Variants in JPH2 observed in about 807,000 individuals in gnomAD.
The protein encoded by JPH2 is junctophilin 2.
In JPH2, 38 loss-of-function variants were observed where a neutral mutation model predicts 55.9. The observed-to-expected ratio is 0.68, with a 90% CI of 0.52 to 0.89. JPH2 has a LOEUF of 0.89. JPH2 is among the 40% of genes least tolerant of loss of function. JPH2 has a pLI of 0.00. For missense variants in JPH2, 964 were observed against 1,037.6 expected (o/e 0.93, Z 0.97); for synonymous variants, 480 against 472.4 (o/e 1.02, Z -0.21).
intron 1 of JPH2, among the ~76,000 whole-genome samples, chr20:44,178,326 A>G (rs2072752444): frequency 6.6e-6 from 1 of 152,258 alleles, no homozygotes; most frequent in Non-Finnish European, 1.5e-5. Context: ...TTGAAAAAAT[A>G]AAATGTTAAA....
At position 44,186,825 on chromosome 20, in the gene JPH2, C is replaced by T. The variant is rs918089076; in HGVS notation, c.-120G>A. On this transcript the variant is annotated 5_prime_UTR_variant, in exon 1 of 6. Transcript: ENST00000372980. The stretch of plus-strand genomic sequence containing the variant: ...GGCCCCCAGACTCACCACTGCACCC[C>T]AGGAGGGGGGAAGCAGGATGCCAGC... 1.0e-6 allele frequency: 1 copy of T among 996,868 alleles called. No individual in the cohort carries two copies. The highest frequency in any genetic ancestry group is 1.6e-5 in the African/African-American group (1 of 62,024). 61.8% of individuals were successfully genotyped at this position (996,868 alleles called of 1,614,324 possible).
chr20:44,157,987 C>T (rs143122590), intron 2 of JPH2, among the ~76,000 whole-genome samples: 65 of 152,290 alleles, frequency 4.3e-4, no homozygotes, highest in Admixed American at 2.2e-3. Flanking sequence ...CTGTACCCCA[C>T]CCCAAATTTG....
chr20:44,129,952 C>T (rs937909817), intron 2 of JPH2, among the ~76,000 whole-genome samples: 25 of 152,064 alleles, frequency 1.6e-4, no homozygotes, highest in African/African-American at 6.0e-4. Flanking sequence ...AAAGATCCTC[C>T]CCTTTGAGCC....
chr20:44,149,963 G>A (rs111705087), intron 2 of JPH2, among the ~76,000 whole-genome samples: 329 of 11,330 alleles, frequency 0.029, 23 homozygotes, highest in Middle Eastern at 0.056. Flanking sequence ...GGCGACAGAG[G>A]AAAAAAAAAA....
chr20:44,180,740 T>C (rs1004289431), intron 1 of JPH2, among the ~76,000 whole-genome samples: 2 of 152,230 alleles, frequency 1.3e-5, no homozygotes, highest in Admixed American at 1.3e-4. Flanking sequence ...TCTGAGACTA[T>C]GTGAGAAAAT....
At chr20:44,139,336 G>T (rs1213922069) in intron 2 of JPH2, among the ~76,000 whole-genome samples, 1 of 152,050 alleles carries the variant, frequency 6.6e-6, no homozygotes. Flanking sequence ...CTGCGAGTTG[G>T]GGGAATTTAT....
At chr20:44,125,954 C>T (rs1022652626) in intron 2 of JPH2, among the ~76,000 whole-genome samples, 33 of 151,644 alleles carry the variant, frequency 2.2e-4, no homozygotes, top group Admixed American at 1.8e-3. Context: ...AGTGAGACCC[C>T]GTCTCTACAA....
chr20:44,160,846 G>A lies in JPH2; in HGVS notation c.380-439C>T, dbSNP rs2072605355. ...CGCCTGTAATCCCAGCACTTGGGAA[G>A]GTGGAGGCGGATGGATCGCTTGAGC... is the stretch of plus-strand genomic sequence containing the variant. On this transcript the variant is annotated intron_variant, in intron 1 of 5. Transcript: ENST00000372980. This position sits in a 1 kb window ranked among gnomAD's most constrained non-coding sequence, Gnocchi z 4.9. 6.6e-6 allele frequency among the ~76,000 whole-genome samples: 1 copy of A among 152,210 alleles called. No homozygotes were observed. The highest frequency in any genetic ancestry group is 2.4e-5 in the African/African-American group (1 of 41,456).
chr20:44,120,608 G>A (rs1028474343), intron 2 of JPH2, among the ~76,000 whole-genome samples: 2 of 152,122 alleles, frequency 1.3e-5, no homozygotes, highest in African/African-American at 4.8e-5. Flanking sequence ...GCAGGAACTG[G>A]GATTTTGAAC....
At chr20:44,171,185 T>C (rs529645948) in intron 1 of JPH2, among the ~76,000 whole-genome samples, 2 of 152,122 alleles carry the variant, frequency 1.3e-5, no homozygotes, top group South Asian at 4.2e-4. Context: ...TAGCGGGGAG[T>C]GCTCTCAGGA....
intron 1 of JPH2, among the ~76,000 whole-genome samples, chr20:44,166,344 C>T (rs181995236): frequency 6.6e-6 from 1 of 152,294 alleles, no homozygotes; most frequent in African/African-American, 2.4e-5. Context: ...CTCTACTTCT[C>T]AGAAGAAATT....
chr20:44,110,325 A>C lies in JPH2; in HGVS notation c.*3193T>G, dbSNP rs532833209. Among the ~76,000 whole-genome samples the C allele has an allele frequency of 6.6e-6, 1 of 152,210 alleles. No homozygotes were observed. Among genetic ancestry groups the C allele is most frequent in the East Asian group, 1.9e-4 (1 of 5,192 alleles). On this transcript the variant is annotated 3_prime_UTR_variant, in exon 6 of 6. Transcript: ENST00000372980. The stretch of plus-strand genomic sequence containing the variant: ...GGGTTTTTATCAAAGGCTACAGATA[A>C]CAATTCCCTCCCCATTTCCACTCCC...
intron 2 of JPH2, among the ~76,000 whole-genome samples, chr20:44,126,723 CT>C (rs2072279733): frequency 6.6e-6 from 1 of 152,220 alleles, no homozygotes; most frequent in Admixed American, 6.5e-5. Context: ...CAAATGTGTG[CT>C]GAGCCCCTGC....
chr20:44,134,869 T>TACATAA (rs1600843559), intron 2 of JPH2, among the ~76,000 whole-genome samples: 8 of 24,630 alleles, frequency 3.2e-4, no homozygotes, highest in Admixed American at 1.6e-3. Context: ...TATATAAATA[T>TACATAA]ATATATTTAT....
intron 2 of JPH2, among the ~76,000 whole-genome samples, chr20:44,123,347 C>G (rs2072251930): frequency 6.6e-6 from 1 of 152,184 alleles, no homozygotes; most frequent in South Asian, 2.1e-4. Flanking sequence ...TCTTAGAACC[C>G]TCTGCCACTC....
chr20:44,159,818 G>A lies in JPH2; in HGVS notation c.969C>T (p.Arg323=). 1 of 1,613,400 alleles carries A rather than the reference G, an allele frequency of 6.2e-7. No individual in the cohort carries two copies. The highest frequency in any genetic ancestry group is 8.5e-7 in the Non-Finnish European group (1 of 1,179,914). Residue 323 remains arginine (R), a synonymous_variant, in exon 2 of 6, where the codon CGC becomes CGT. Coordinates refer to ENST00000372980, the MANE Select transcript of JPH2 (RefSeq NM_020433.5). The surrounding 1 kb of genome is among the most constrained non-coding windows in gnomAD (Gnocchi z 5.7). ...GCAGCGTGGTGCAGCCATAGCCGTG[G>A]CGCAGGTTGTCCAGCCACTCGCCCT... ...RYEGEWLDNL[R]HGYGCTTLPD... is the part of the protein sequence containing the mutation.
intron 3 of JPH2, 31 bp downstream of exon 3, chr20:44,118,474 A>G (rs2072209860): frequency 2.0e-6 from 3 of 1,534,764 alleles, no homozygotes; most frequent in South Asian, 2.2e-5. Flanking sequence ...GGATAGCCCT[A>G]CCCTGCCCAT....
chr20:44,132,108 C>A (rs1286371517), intron 2 of JPH2, among the ~76,000 whole-genome samples: 1 of 151,954 alleles, frequency 6.6e-6, no homozygotes, highest in Non-Finnish European at 1.5e-5. Flanking sequence ...TATGGCATAG[C>A]CATTTGAAGG....
At chr20:44,165,744 G>A (rs1461074229) in intron 1 of JPH2, among the ~76,000 whole-genome samples, 1 of 152,010 alleles carries the variant, frequency 6.6e-6, no homozygotes. Context: ...ACCACCTCAG[G>A]GCCTTGGTAT....
Sources: allele counts gnomAD v4.1 joint callset (sites outside exome capture counted in the v4.1 genomes callset), GRCh38; gene constraint gnomAD v4.1.1; non-coding constraint Gnocchi (gnomAD v3.1); transcripts MANE v1.5; gene names NCBI Gene and HGNC (gene_info 2026-07-23, HGNC 2026-07-21).